The following RANBP17 variants were observed in gnomAD, a reference collection of about 807,000 sequenced individuals.
RANBP17 encodes the protein RAN binding protein 17, also known as ran-binding protein 17.
Under a neutral mutation model 141.2 loss-of-function variants are expected in RANBP17, and 158 were observed. The ratio of observed to expected loss-of-function variants is 1.12; its 90% CI spans 0.98 to 1.28. The LOEUF (loss-of-function observed/expected upper bound fraction) is 1.28, where lower values mean the gene tolerates loss of function less well. Ranked by LOEUF, RANBP17 falls within the 50% of genes most tolerant of loss-of-function variation. RANBP17 has a pLI of 0.00. For missense variants in RANBP17, 1,438 were observed against 1,290.7 expected (o/e 1.11, Z -1.75); for synonymous variants, 430 against 450.0 (o/e 0.96, Z 0.56).
At position 170,951,896 on chromosome 5, in the gene RANBP17, T is replaced by C. The variant is rs994218044; in HGVS notation, c.1469-1701T>C. ...GACTGACAGCCAAGAACCAATACTTTCAAAAAACAGGGGGAAATAATCTGC... is the reference window on the plus strand; with the variant it reads ...GACTGACAGCCAAGAACCAATACTTCCAAAAAACAGGGGGAAATAATCTGC... On this transcript the variant is annotated intron_variant, in intron 12 of 27. Transcript: ENST00000523189. 2.6e-5 allele frequency among the ~76,000 whole-genome samples: 4 copies of C among 152,074 alleles called. No homozygotes were observed. The East Asian group carries it at 5.8e-4, about 22-fold the overall frequency.
intron 14 of RANBP17, among the ~76,000 whole-genome samples, chr5:171,113,108 G>A (rs192032002): frequency 1.6e-3 from 238 of 152,150 alleles, no homozygotes; most frequent in Middle Eastern, 3.4e-3. Flanking sequence ...TTGTAATCAG[G>A]GAACCCACCC....
intron 20 of RANBP17, among the ~76,000 whole-genome samples, chr5:171,209,125 G>T (rs567400038): frequency 6.6e-6 from 1 of 152,304 alleles, no homozygotes; most frequent in East Asian, 1.9e-4. Context: ...ATCAGGAAGG[G>T]CTCTCTGGAA....
chr5:171,157,700 A>G lies in RANBP17; in HGVS notation c.1711-12430A>G, dbSNP rs12656085. 2.1e-3 allele frequency among the ~76,000 whole-genome samples: 324 copies of G among 152,316 alleles called. 5 individuals are homozygous for G. In the East Asian group the frequency reaches 0.032, roughly 15 times the overall value. ...AGCTGCCATCAATTTTTAACATTTG[A>G]GGGTTGAGCTATGACCTTTTATGAT... On this transcript the variant is annotated intron_variant, in intron 14 of 27. Coordinates refer to ENST00000523189, the MANE Select transcript of RANBP17 (RefSeq NM_022897.5).
intron 22 of RANBP17, among the ~76,000 whole-genome samples, chr5:171,234,289 G>A (rs897558590): frequency 3.9e-5 from 6 of 152,112 alleles, no homozygotes; most frequent in African/African-American, 1.4e-4. Flanking sequence ...GCAGCAAGGA[G>A]GTCAGTAGCT....
At chr5:171,268,181 G>C (rs1010298792) in intron 25 of RANBP17, among the ~76,000 whole-genome samples, 1 of 152,284 alleles carries the variant, frequency 6.6e-6, no homozygotes, top group South Asian at 2.1e-4. Flanking sequence ...AAAATTTCTT[G>C]CCATGGGACA....
intron 14 of RANBP17, among the ~76,000 whole-genome samples, chr5:171,088,349 C>G (rs1367504140): frequency 6.6e-6 from 1 of 152,074 alleles, no homozygotes; most frequent in Admixed American, 6.6e-5. Flanking sequence ...GTTTGGTGGG[C>G]TTCCCTTTGT....
intron 27 of RANBP17, among the ~76,000 whole-genome samples, chr5:171,298,120 C>T (rs1301895040): frequency 1.3e-5 from 2 of 152,036 alleles, no homozygotes; most frequent in South Asian, 2.1e-4. Flanking sequence ...GGCCTCACAA[C>T]GTGCTGGAAT....
intron 25 of RANBP17, among the ~76,000 whole-genome samples, chr5:171,277,637 G>GTGTATGTATATATATATATATA (rs1437482589): frequency 1.8e-5 from 1 of 56,904 alleles, no homozygotes; most frequent in Non-Finnish European, 3.4e-5. Flanking sequence ...ATATATGTAT[G>GTGTATGTATATATATATATATA]TATATATATA....
chr5:171,097,610 TA>T (rs1355274055), intron 14 of RANBP17, among the ~76,000 whole-genome samples: 10 of 81,556 alleles, frequency 1.2e-4, no homozygotes, highest in South Asian at 3.9e-4. Flanking sequence ...GTAGTCTTTT[TA>T]TTATTATTAT....
intron 22 of RANBP17, among the ~76,000 whole-genome samples, chr5:171,232,431 A>G (rs1183317852): frequency 2.6e-5 from 4 of 152,092 alleles, no homozygotes; most frequent in African/African-American, 9.7e-5. Context: ...GTCTTTTTCT[A>G]TCATGTTTTT....
chr5:171,073,092 T>G (rs1421426675), intron 14 of RANBP17, among the ~76,000 whole-genome samples: 3 of 152,146 alleles, frequency 2.0e-5, no homozygotes, highest in Non-Finnish European at 4.4e-5. Context: ...GATAGAACTG[T>G]TGTTCTGTGT....
At position 171,215,074 on chromosome 5, in the gene RANBP17, G is replaced by T. The variant is rs564871211; in HGVS notation, c.2339+1336G>T. ...CCCCTTGCCCCCCATCCCCCAACAG[G>T]CCCCGGTGTGTGATGTTCCCCTACC... On this transcript the variant is annotated intron_variant, in intron 21 of 27. Coordinates refer to ENST00000523189, the MANE Select transcript of RANBP17 (RefSeq NM_022897.5). 7.3e-4 allele frequency among the ~76,000 whole-genome samples: 111 copies of T among 151,274 alleles called. 1 individual carries two copies. Among genetic ancestry groups the T allele is most frequent in the African/African-American group, 2.7e-3 (110 of 41,180 alleles).
intron 14 of RANBP17, among the ~76,000 whole-genome samples, chr5:170,980,414 G>A (rs1418264889): frequency 6.6e-6 from 1 of 152,162 alleles, no homozygotes; most frequent in African/African-American, 2.4e-5. Flanking sequence ...AGACCTTTGT[G>A]GGAGCCCCTC....
chr5:171,112,519 T>A (rs956192934), intron 14 of RANBP17, among the ~76,000 whole-genome samples: 1 of 151,762 alleles, frequency 6.6e-6, no homozygotes, highest in African/African-American at 2.4e-5. Flanking sequence ...AGACAGACAA[T>A]ACTATTTTGG....
intron 14 of RANBP17, among the ~76,000 whole-genome samples, chr5:171,025,643 G>A (rs183984811): frequency 4.1e-4 from 61 of 148,912 alleles, no homozygotes; most frequent in African/African-American, 1.4e-3. Context: ...TGATGTGATC[G>A]TAGCTCACTG....
chr5:170,973,851 G>A (rs1434237060), intron 14 of RANBP17, among the ~76,000 whole-genome samples: 2 of 152,158 alleles, frequency 1.3e-5, no homozygotes, highest in Admixed American at 6.5e-5. Context: ...ATAGTGGAAA[G>A]GGCACACAAA....
rs149490757 is a variant in RANBP17, at chr5:171,174,229, T to C, written c.1865+2943T>C. Among the ~76,000 whole-genome samples the C allele has an allele frequency of 4.6e-5, 7 of 152,294 alleles. No individual in the cohort carries two copies. The East Asian group carries it at 1.4e-3, about 29-fold the overall frequency. ...ACTGTTTAACATACTCTTTATATTT[T>C]CAAGACCAAATTCCAAGAATTTCTG... On this transcript the variant is annotated intron_variant, in intron 16 of 27. Transcript: ENST00000523189.
intron 26 of RANBP17, among the ~76,000 whole-genome samples, chr5:171,295,069 G>A (rs1007261445): frequency 1.3e-5 from 2 of 152,146 alleles, no homozygotes; most frequent in Non-Finnish European, 2.9e-5. Context: ...TATTAATTAT[G>A]TGTGTTTTTT....
At chr5:171,268,720 C>T (rs1028036389) in intron 25 of RANBP17, among the ~76,000 whole-genome samples, 10 of 152,054 alleles carry the variant, frequency 6.6e-5, no homozygotes, top group Non-Finnish European at 2.9e-5. Flanking sequence ...CCCACCATGG[C>T]AAGGGACAAG....
Sources: gnomAD v4.1 joint callset for allele counts (sites outside exome capture counted in the v4.1 genomes callset) on GRCh38, gnomAD v4.1.1 for gene constraint, MANE v1.5 for transcripts, NCBI Gene and HGNC (gene_info 2026-07-23, HGNC 2026-07-21) for gene names.